The following MIPEP variants were observed in gnomAD, a reference collection of about 807,000 sequenced individuals.
The protein encoded by MIPEP is mitochondrial intermediate peptidase.
A neutral mutation model predicts 90.3 loss-of-function variants in MIPEP; 79 were observed. That is an observed-to-expected ratio of 0.87 (90% CI 0.73 to 1.05). MIPEP has a LOEUF of 1.05. Ranked by LOEUF, MIPEP falls within the 50% of genes least tolerant of loss-of-function variation. MIPEP has a pLI of 0.00. For synonymous variants in MIPEP, 334 were observed against 315.8 expected, an observed-to-expected ratio of 1.06 and a Z score of -0.61; for missense variants, 940 against 905.6, an observed-to-expected ratio of 1.04 and a Z score of -0.49.
intron 14 of MIPEP, among the ~76,000 whole-genome samples, chr13:23,829,038 C>T (rs1284777918): frequency 6.6e-6 from 1 of 152,152 alleles, no homozygotes; most frequent in African/African-American, 2.4e-5. Flanking sequence ...CACAAACTGA[C>T]AATTGCATGT....
chr13:23,782,538 T>C (rs1047064569), intron 16 of MIPEP, among the ~76,000 whole-genome samples: 4 of 151,794 alleles, frequency 2.6e-5, no homozygotes, highest in African/African-American at 7.3e-5. Context: ...ACATCACAAT[T>C]AAAAGAACTA....
chr13:23,777,827 T>C (rs867170433), intron 16 of MIPEP, among the ~76,000 whole-genome samples: 2 of 152,196 alleles, frequency 1.3e-5, no homozygotes, highest in African/African-American at 4.8e-5. Context: ...TTCTCTAAAC[T>C]AACTGTGGCA....
chr13:23,882,105 C>T (rs1280488164), intron 2 of MIPEP, among the ~76,000 whole-genome samples: 3 of 149,146 alleles, frequency 2.0e-5, no homozygotes, highest in Admixed American at 6.7e-5. Flanking sequence ...AGTCTTGCTC[C>T]GTCGCCCAGG....
chr13:23,887,057 G>A (rs1166718373), intron 1 of MIPEP, among the ~76,000 whole-genome samples: 1 of 152,170 alleles, frequency 6.6e-6, no homozygotes, highest in African/African-American at 2.4e-5. Flanking sequence ...TGAGATCTCA[G>A]TACATAGTAC....
intron 18 of MIPEP, among the ~76,000 whole-genome samples, chr13:23,748,815 C>A (rs9510841): frequency 0.17 from 25,241 of 152,156 alleles, 2,210 homozygotes; most frequent in South Asian, 0.23. Flanking sequence ...ATTTATGCTG[C>A]GCCTCCACAT....
At chr13:23,749,386 T>C (rs1952416615) in intron 18 of MIPEP, among the ~76,000 whole-genome samples, 1 of 152,242 alleles carries the variant, frequency 6.6e-6, no homozygotes, top group Non-Finnish European at 1.5e-5. Flanking sequence ...TCAACGCTTA[T>C]TATTTAAGCT....
At chr13:23,775,285 C>T (rs1952702992) in intron 16 of MIPEP, among the ~76,000 whole-genome samples, 1 of 152,106 alleles carries the variant, frequency 6.6e-6, no homozygotes, top group Admixed American at 6.5e-5. Context: ...ACCACCAGTA[C>T]AATATTGAAT....
chr13:23,889,109 G>A, intron 1 of MIPEP, 23 bp downstream of exon 1: 1 of 1,391,474 alleles, frequency 7.2e-7, no homozygotes, highest in East Asian at 3.1e-5. Flanking sequence ...GGGACTGAGG[G>A]GAGCTCCTCC....
chr13:23,782,998 C>T (rs1471419334), intron 16 of MIPEP, among the ~76,000 whole-genome samples: 18 of 152,118 alleles, frequency 1.2e-4, no homozygotes, highest in African/African-American at 3.1e-4. Context: ...CAGGACCAGA[C>T]GGATTCACAG....
At chr13:23,779,997 AG>A (rs1199019978) in intron 16 of MIPEP, among the ~76,000 whole-genome samples, 1 of 152,192 alleles carries the variant, frequency 6.6e-6, no homozygotes, top group East Asian at 1.9e-4. Flanking sequence ...CAGCTCAAGG[AG>A]GCCTGCCTCA....
Position 23,869,277 on chromosome 13 carries a change from G to T in MIPEP, c.943+15C>A. The stretch of plus-strand genomic sequence containing the variant: ...AATCCTATTTTGCCCTTAAATGTTG[G>T]ATAAACAGGCTTACCTGGATTTTTA... On this transcript the variant is annotated intron_variant, in intron 7 of 18. Transcript: ENST00000382172. The T allele has an allele frequency of 6.4e-7, 1 of 1,562,436 alleles. No individual in the cohort carries two copies. The highest frequency in any genetic ancestry group is 8.6e-7 in the Non-Finnish European group (1 of 1,159,394).
At chr13:23,780,200 C>T (rs1422888433) in intron 16 of MIPEP, among the ~76,000 whole-genome samples, 1 of 152,194 alleles carries the variant, frequency 6.6e-6, no homozygotes, top group Non-Finnish European at 1.5e-5. Flanking sequence ...TGGGAGGCAC[C>T]CCCCAGTAGG....
At chr13:23,816,445 C>T (rs1214697277) in intron 14 of MIPEP, among the ~76,000 whole-genome samples, 1 of 152,120 alleles carries the variant, frequency 6.6e-6, no homozygotes, top group Admixed American at 6.5e-5. Flanking sequence ...CTAGTTTCAT[C>T]GAGTGTATGG....
chr13:23,797,919 T>C (rs574817363), intron 16 of MIPEP, among the ~76,000 whole-genome samples: 8 of 152,226 alleles, frequency 5.3e-5, no homozygotes, highest in African/African-American at 1.7e-4. Context: ...AATAACGAGA[T>C]GTCTGACAGG....
intron 3 of MIPEP, among the ~76,000 whole-genome samples, chr13:23,880,330 C>T (rs1220651074): frequency 2.6e-5 from 4 of 152,156 alleles, no homozygotes; most frequent in Non-Finnish European, 4.4e-5. Flanking sequence ...TGGAGGCCTA[C>T]CTCCTCCCAA....
At chr13:23,777,043 C>G (rs2137355320) in intron 16 of MIPEP, among the ~76,000 whole-genome samples, 1 of 152,110 alleles carries the variant, frequency 6.6e-6, no homozygotes, top group African/African-American at 2.4e-5. Flanking sequence ...AGTTCAAGGA[C>G]AGATTAAAAA....
chr13:23,776,425 G>A (rs1234463964), intron 16 of MIPEP, among the ~76,000 whole-genome samples: 1 of 152,096 alleles, frequency 6.6e-6, no homozygotes, highest in Non-Finnish European at 1.5e-5. Context: ...TGAAGCAGAA[G>A]CAACTAAGCC....
intron 16 of MIPEP, among the ~76,000 whole-genome samples, chr13:23,798,164 G>T (rs1027914596): frequency 6.6e-6 from 1 of 152,148 alleles, no homozygotes; most frequent in Non-Finnish European, 1.5e-5. Context: ...GCAAATTATT[G>T]TACAACTATT....
chr13:23,875,216 AAAT>A (rs986163235), intron 4 of MIPEP, among the ~76,000 whole-genome samples: 1 of 152,066 alleles, frequency 6.6e-6, no homozygotes, highest in Admixed American at 6.5e-5. Context: ...GGTTTGTACT[AAAT>A]AATAATAATA....
Sources: gnomAD v4.1 joint callset for allele counts (sites outside exome capture counted in the v4.1 genomes callset) on GRCh38, gnomAD v4.1.1 for gene constraint, MANE v1.5 for transcripts, NCBI Gene and HGNC (gene_info 2026-07-23, HGNC 2026-07-21) for gene names.